Variants in NALF1 observed in about 807,000 individuals in gnomAD.
NALF1 encodes NALCN channel auxiliary factor 1, also known as family with sequence similarity 155 member A.
In NALF1, 3 loss-of-function variants were observed where a neutral mutation model predicts 48.4. The ratio of observed to expected loss-of-function variants is 0.06; its 90% CI spans 0.03 to 0.16. The LOEUF is 0.16. Among genes scored for constraint, NALF1 ranks in the 10% least tolerant of loss-of-function variants. NALF1 has a pLI of 1.00. For synonymous variants in NALF1, 262 were observed against 245.7 expected (o/e 1.07, Z -0.62); for missense variants, 526 against 571.5 (o/e 0.92, Z 0.81).
At chr13:107,722,063 T>C (rs1258779983) in intron 1 of NALF1, among the ~76,000 whole-genome samples, 1 of 152,002 alleles carries the variant, frequency 6.6e-6, no homozygotes, top group Admixed American at 6.6e-5. Flanking sequence ...GATATCCTGG[T>C]AGAATTCTAT....
At chr13:107,225,183 A>G (rs532745255) in intron 1 of NALF1, among the ~76,000 whole-genome samples, 36 of 152,020 alleles carry the variant, frequency 2.4e-4, no homozygotes, top group African/African-American at 8.4e-4. Flanking sequence ...TAATTTTTGT[A>G]TTTTAAGCAG....
chr13:107,782,844 A>G (rs1397182550), intron 1 of NALF1, among the ~76,000 whole-genome samples: 1 of 131,202 alleles, frequency 7.6e-6, no homozygotes, highest in Non-Finnish European at 1.6e-5. Context: ...AAGTGAGGAG[A>G]CCCTCCGCCC....
At chr13:107,172,427 G>A (rs749692056) in intron 2 of NALF1, among the ~76,000 whole-genome samples, 1 of 152,100 alleles carries the variant, frequency 6.6e-6, no homozygotes, top group Non-Finnish European at 1.5e-5. Context: ...AATAAACTCA[G>A]TATACCTATT....
chr13:107,709,694 G>A (rs542945837), intron 1 of NALF1, among the ~76,000 whole-genome samples: 2 of 152,290 alleles, frequency 1.3e-5, no homozygotes, highest in African/African-American at 4.8e-5. Flanking sequence ...GTCTCAACAT[G>A]CATATGGATT....
chr13:107,256,795 A>G (rs1031091442), intron 1 of NALF1, among the ~76,000 whole-genome samples: 2 of 152,204 alleles, frequency 1.3e-5, no homozygotes, highest in African/African-American at 4.8e-5. Context: ...CATGAAAATC[A>G]ATGGACAATA....
chr13:107,186,139 A>T (rs1008067556), intron 2 of NALF1, among the ~76,000 whole-genome samples: 1 of 152,180 alleles, frequency 6.6e-6, no homozygotes, highest in Non-Finnish European at 1.5e-5. Context: ...TTTGGTTATC[A>T]GACTGAAAAA....
intron 1 of NALF1, among the ~76,000 whole-genome samples, chr13:107,630,703 G>C (rs1879812975): frequency 6.6e-6 from 1 of 151,774 alleles, no homozygotes; most frequent in South Asian, 2.1e-4. Context: ...TAAAAAGGCA[G>C]CCGTTTGAAG....
chr13:107,832,169 T>G (rs1209402822), intron 1 of NALF1, among the ~76,000 whole-genome samples: 5 of 152,014 alleles, frequency 3.3e-5, no homozygotes, highest in Admixed American at 3.3e-4. Flanking sequence ...TAAACTAAGA[T>G]TTTAGAAATA....
chr13:107,620,104 T>C (rs909740463), intron 1 of NALF1, among the ~76,000 whole-genome samples: 3 of 152,170 alleles, frequency 2.0e-5, no homozygotes, highest in Admixed American at 6.5e-5. Flanking sequence ...CTAATTGTGA[T>C]GTTTGAAACC....
chr13:107,204,681 C>G lies in NALF1; in HGVS notation c.1087+5903G>C, dbSNP rs1192957790. Among the ~76,000 whole-genome samples, 3 of 152,168 alleles carry G rather than the reference C, an allele frequency of 2.0e-5. No homozygotes were observed. The South Asian group carries it at 6.2e-4, about 32-fold the overall frequency. ...AAGATGTCACGAACATATGAAGTTA[C>G]TACATTTTACTTGGTTTTATAATCT... is the stretch of plus-strand genomic sequence containing the variant. On this transcript the variant is annotated intron_variant, in intron 2 of 2. Coordinates refer to ENST00000375915, the MANE Select transcript of NALF1 (RefSeq NM_001080396.3).
intron 1 of NALF1, among the ~76,000 whole-genome samples, chr13:107,300,962 T>C (rs780692877): frequency 2.0e-5 from 3 of 152,238 alleles, no homozygotes; most frequent in Non-Finnish European, 4.4e-5. Flanking sequence ...CAAATCTTTC[T>C]TATGCATTCT....
intron 2 of NALF1, among the ~76,000 whole-genome samples, chr13:107,175,247 CA>C (rs1044325128): frequency 6.6e-6 from 1 of 152,058 alleles, no homozygotes; most frequent in African/African-American, 2.4e-5. Flanking sequence ...AATATGCCCC[CA>C]GTCTCTGGGA....
chr13:107,178,729 G>A (rs752326704), intron 2 of NALF1, among the ~76,000 whole-genome samples: 25 of 152,138 alleles, frequency 1.6e-4, no homozygotes, highest in Non-Finnish European at 3.2e-4. Flanking sequence ...GGATCACGAG[G>A]TCAGGAGATC....
chr13:107,784,591 C>A (rs577174972), intron 1 of NALF1, among the ~76,000 whole-genome samples: 1 of 152,048 alleles, frequency 6.6e-6, no homozygotes, highest in Admixed American at 6.5e-5. Flanking sequence ...GGGCTAAGGA[C>A]ATGAATAGAC....
chr13:107,528,175 T>G (rs1056558953), intron 1 of NALF1, among the ~76,000 whole-genome samples: 2 of 152,114 alleles, frequency 1.3e-5, no homozygotes, highest in Non-Finnish European at 1.5e-5. Context: ...TACCATAATC[T>G]GCATGTTGGT....
At chr13:107,278,347 C>G (rs1036553312) in intron 1 of NALF1, among the ~76,000 whole-genome samples, 6 of 152,190 alleles carry the variant, frequency 3.9e-5, no homozygotes, top group Non-Finnish European at 8.8e-5. Context: ...TCACTCTTGA[C>G]AAGTCCATAT....
chr13:107,738,812 T>C (rs978740664), intron 1 of NALF1, among the ~76,000 whole-genome samples: 5 of 151,986 alleles, frequency 3.3e-5, no homozygotes, highest in African/African-American at 1.2e-4. Flanking sequence ...TACAGGTGCC[T>C]GCCAGCATGA....
chr13:107,692,906 T>C (rs943454652), intron 1 of NALF1, among the ~76,000 whole-genome samples: 21 of 152,272 alleles, frequency 1.4e-4, no homozygotes, highest in African/African-American at 5.1e-4. Flanking sequence ...AATAACAGTA[T>C]ACTTGGGTTG....
At chr13:107,744,314 C>A (rs1192739361) in intron 1 of NALF1, among the ~76,000 whole-genome samples, 1 of 152,140 alleles carries the variant, frequency 6.6e-6, no homozygotes, top group South Asian at 2.1e-4. Flanking sequence ...TAAAGTCCAG[C>A]AGATTGCCTC....
Sources: allele counts gnomAD v4.1 joint callset (sites outside exome capture counted in the v4.1 genomes callset), GRCh38; gene constraint gnomAD v4.1.1; transcripts MANE v1.5; gene names NCBI Gene and HGNC (gene_info 2026-07-23, HGNC 2026-07-21).